AKAP13: variants seen among roughly 807,000 people sequenced by gnomAD.
AKAP13 encodes A-kinase anchoring protein 13.
Under a neutral mutation model 264.5 loss-of-function variants are expected in AKAP13, and 80 were observed. The observed-to-expected ratio is 0.30, with a 90% CI of 0.25 to 0.36. AKAP13 has a LOEUF of 0.36. AKAP13 is among the 10% of genes least tolerant of loss of function. The pLI, the probability that AKAP13 is intolerant of heterozygous loss-of-function variation, is 1.00. For missense variants in AKAP13, 3,712 were observed against 3,435.2 expected, an observed-to-expected ratio of 1.08 and a Z score of -2.01; for synonymous variants, 1,380 against 1,250.2, an observed-to-expected ratio of 1.10 and a Z score of -2.19.
intron 16 of AKAP13, 62 bp from the exon 17 acceptor site, chr15:85,693,215 C>A: frequency 6.9e-7 from 1 of 1,458,308 alleles, no homozygotes; most frequent in South Asian, 1.5e-5. Context: ...TCTGGGTGCC[C>A]AGGTAAGGAG....
chr15:85,556,052 G>A (rs1011063781), intron 5 of AKAP13, among the ~76,000 whole-genome samples: 6 of 152,206 alleles, frequency 3.9e-5, no homozygotes, highest in African/African-American at 1.4e-4. Context: ...GTTGTGGGTA[G>A]TGGAAGGAGG....
chr15:85,478,727 T>C (rs1389174082), intron 1 of AKAP13, among the ~76,000 whole-genome samples: 1 of 152,018 alleles, frequency 6.6e-6, no homozygotes, highest in East Asian at 1.9e-4. Flanking sequence ...CCTTACCCAT[T>C]TGGGCTCAGT....
chr15:85,582,303 T>C (rs1200274072), intron 7 of AKAP13, among the ~76,000 whole-genome samples, 196 bp downstream of exon 7: 2 of 152,176 alleles, frequency 1.3e-5, no homozygotes, highest in East Asian at 3.9e-4. Flanking sequence ...CTTCCTGTAT[T>C]GTAGACTTAC....
chr15:85,496,816 G>T (rs2075884413), intron 2 of AKAP13, among the ~76,000 whole-genome samples: 1 of 152,194 alleles, frequency 6.6e-6, no homozygotes. Context: ...GCCTTGTCCA[G>T]CCAGATCTGA....
intron 2 of AKAP13, among the ~76,000 whole-genome samples, chr15:85,512,753 G>C (rs2076473381): frequency 6.6e-6 from 1 of 152,170 alleles, no homozygotes; most frequent in African/African-American, 2.4e-5. Flanking sequence ...AAATGCAGTA[G>C]TATGTGCTGA....
intron 2 of AKAP13, among the ~76,000 whole-genome samples, chr15:85,488,851 A>G (rs949136851): frequency 6.6e-6 from 1 of 152,270 alleles, no homozygotes; most frequent in Non-Finnish European, 1.5e-5. Context: ...TCTGACTTCC[A>G]GAAATGATAT....
intron 8 of AKAP13, among the ~76,000 whole-genome samples, chr15:85,592,046 CTTTTT>C (rs386383662): frequency 2.8e-5 from 3 of 105,270 alleles, no homozygotes; most frequent in African/African-American, 1.1e-4. Flanking sequence ...GAACCATGAT[CTTTTT>C]TTTTTTTTTT....
intron 16 of AKAP13, 75 bp downstream of exon 16, chr15:85,684,948 G>A: frequency 2.0e-6 from 3 of 1,480,970 alleles, no homozygotes; most frequent in South Asian, 1.4e-5. Context: ...CACCAAAACT[G>A]GTTAAATCAT....
chr15:85,626,711 C>A (rs1265541795), intron 8 of AKAP13, among the ~76,000 whole-genome samples: 1 of 152,120 alleles, frequency 6.6e-6, no homozygotes, highest in Non-Finnish European at 1.5e-5. Context: ...CATTGGTATA[C>A]AAATATCTGT....
chr15:85,516,357 G>A (rs993035153), intron 2 of AKAP13, among the ~76,000 whole-genome samples: 2 of 152,194 alleles, frequency 1.3e-5, no homozygotes, highest in Non-Finnish European at 2.9e-5. Flanking sequence ...TTAAACAGAT[G>A]TAAAGTGATA....
At chr15:85,736,657 C>T (rs2088539307) in intron 33 of AKAP13, among the ~76,000 whole-genome samples, 1 of 152,148 alleles carries the variant, frequency 6.6e-6, no homozygotes, top group African/African-American at 2.4e-5. Flanking sequence ...CTTAGCCTCC[C>T]AAGGTGCTGG....
chr15:85,592,144 TCTTCAGGACTG>T (rs960214233), intron 8 of AKAP13, among the ~76,000 whole-genome samples: 4 of 152,106 alleles, frequency 2.6e-5, no homozygotes, highest in African/African-American at 9.7e-5. Context: ...CATGTTTTTT[TCTTCAGGACTG>T]TAGTAAGGGC....
intron 1 of AKAP13, among the ~76,000 whole-genome samples, chr15:85,452,219 G>T (rs2074116416): frequency 7.1e-6 from 1 of 140,758 alleles, no homozygotes; most frequent in Non-Finnish European, 1.5e-5. Context: ...ATCCCTTAGG[G>T]TTTTTTTTTT....
At chr15:85,545,783 C>G (rs2077714130) in intron 5 of AKAP13, among the ~76,000 whole-genome samples, 1 of 152,188 alleles carries the variant, frequency 6.6e-6, no homozygotes, top group Non-Finnish European at 1.5e-5. Context: ...GTTAAAGAAT[C>G]AAGAATGATC....
At chr15:85,610,842 G>A (rs1221628318) in intron 8 of AKAP13, among the ~76,000 whole-genome samples, 2 of 152,174 alleles carry the variant, frequency 1.3e-5, no homozygotes, top group Non-Finnish European at 2.9e-5. Flanking sequence ...AGCCGGGCGT[G>A]GTGGCAGGCG....
At chr15:85,495,250 G>A (rs2075838522) in intron 2 of AKAP13, among the ~76,000 whole-genome samples, 1 of 152,052 alleles carries the variant, frequency 6.6e-6, no homozygotes, top group African/African-American at 2.4e-5. Context: ...GTTCTTTGAT[G>A]CTTTTTCTGT....
intron 8 of AKAP13, among the ~76,000 whole-genome samples, chr15:85,631,650 A>G (rs2081833093): frequency 6.6e-6 from 1 of 152,138 alleles, no homozygotes; most frequent in African/African-American, 2.4e-5. Context: ...AGTTTACTTA[A>G]TAGTAATGTA....
chr15:85,728,446 A>G (rs547114014), intron 29 of AKAP13, among the ~76,000 whole-genome samples: 1 of 152,302 alleles, frequency 6.6e-6, no homozygotes, highest in Admixed American at 6.5e-5. Context: ...TCCTTCTTTA[A>G]ATTTTGTCAA....
chr15:85,587,326 G>A (rs1043047046), intron 8 of AKAP13, among the ~76,000 whole-genome samples: 3 of 152,194 alleles, frequency 2.0e-5, no homozygotes, highest in East Asian at 1.9e-4. Flanking sequence ...TTTGTCTCTG[G>A]CTTCTTTCAC....
Sources: allele counts gnomAD v4.1 joint callset (sites outside exome capture counted in the v4.1 genomes callset), GRCh38; gene constraint gnomAD v4.1.1; transcripts MANE v1.5; gene names NCBI Gene and HGNC (gene_info 2026-07-23, HGNC 2026-07-21).